Variants in PPFIA2 observed in about 807,000 individuals in gnomAD.
PPFIA2 encodes liprin-alpha-2.
Under a neutral mutation model 175.5 loss-of-function variants are expected in PPFIA2, and 46 were observed. The ratio of observed to expected loss-of-function variants is 0.26; its 90% CI spans 0.21 to 0.34. PPFIA2 has a LOEUF of 0.34. Among genes scored for constraint, PPFIA2 ranks in the 10% least tolerant of loss-of-function variants. The pLI, the probability that PPFIA2 is intolerant of heterozygous loss-of-function variation, is 1.00. For missense variants in PPFIA2, 1,179 were observed against 1,506.1 expected (o/e 0.78, Z 3.60); for synonymous variants, 568 against 511.4 (o/e 1.11, Z -1.49).
At chr12:81,657,195 G>A (rs1002495437) in intron 4 of PPFIA2, among the ~76,000 whole-genome samples, 17 of 152,172 alleles carry the variant, frequency 1.1e-4, no homozygotes, top group Admixed American at 5.9e-4. Context: ...CCCTGGGAAG[G>A]TTAATGCTGC....
chr12:81,401,342 A>G (rs1338738916), intron 8 of PPFIA2, among the ~76,000 whole-genome samples: 2 of 152,170 alleles, frequency 1.3e-5, no homozygotes. Context: ...TTCTATTCTT[A>G]TAACTCTGTA....
At chr12:81,719,169 T>C (rs2079016517) in intron 3 of PPFIA2, among the ~76,000 whole-genome samples, 1 of 151,700 alleles carries the variant, frequency 6.6e-6, no homozygotes, top group Non-Finnish European at 1.5e-5. Context: ...GAAAGAAATA[T>C]TCCACTTCAT....
intron 22 of PPFIA2, 60 bp from the exon 23 acceptor site, chr12:81,299,442 T>G (rs2047284920): frequency 4.0e-6 from 6 of 1,513,120 alleles, no homozygotes; most frequent in Non-Finnish European, 5.3e-6. Flanking sequence ...TGTGATTATT[T>G]TTAATGATAA....
intron 7 of PPFIA2, among the ~76,000 whole-genome samples, chr12:81,411,715 C>T (rs941274091): frequency 6.6e-6 from 1 of 152,000 alleles, no homozygotes; most frequent in African/African-American, 2.4e-5. Context: ...TCATTCAGCA[C>T]TGATGACATA....
chr12:81,500,828 A>T (rs907265202), intron 4 of PPFIA2, among the ~76,000 whole-genome samples: 1 of 152,234 alleles, frequency 6.6e-6, no homozygotes, highest in South Asian at 2.1e-4. Context: ...TTTATCTGTT[A>T]ATTTAACCCT....
At chr12:81,590,227 T>C (rs748051676) in intron 4 of PPFIA2, among the ~76,000 whole-genome samples, 1 of 152,122 alleles carries the variant, frequency 6.6e-6, no homozygotes, top group Non-Finnish European at 1.5e-5. Flanking sequence ...TTTGAACACA[T>C]AACACATGCC....
intron 16 of PPFIA2, among the ~76,000 whole-genome samples, chr12:81,355,904 T>G (rs560421856): frequency 6.6e-6 from 1 of 152,326 alleles, no homozygotes; most frequent in African/African-American, 2.4e-5. Flanking sequence ...ACGTTCTCCA[T>G]AGCAGCAGTA....
intron 4 of PPFIA2, among the ~76,000 whole-genome samples, chr12:81,606,328 A>G (rs1354118685): frequency 6.6e-6 from 1 of 152,066 alleles, no homozygotes; most frequent in African/African-American, 2.4e-5. Flanking sequence ...TCCTTTGAGT[A>G]TATACCCAGT....
intron 9 of PPFIA2, among the ~76,000 whole-genome samples, chr12:81,382,269 T>C (rs144609303): frequency 6.6e-5 from 10 of 152,110 alleles, no homozygotes; most frequent in Non-Finnish European, 1.5e-4. Flanking sequence ...CAGTAGATGA[T>C]CTCCAAGAGG....
chr12:81,366,055 C>T (rs1299524075), intron 14 of PPFIA2, among the ~76,000 whole-genome samples: 1 of 131,444 alleles, frequency 7.6e-6, no homozygotes, highest in Non-Finnish European at 1.6e-5. Context: ...CTTCCCTTTC[C>T]TTCCCTTCCC....
At chr12:81,514,294 C>T (rs970232270) in intron 4 of PPFIA2, among the ~76,000 whole-genome samples, 1 of 151,826 alleles carries the variant, frequency 6.6e-6, no homozygotes, top group Non-Finnish European at 1.5e-5. Context: ...TTTAAAACAC[C>T]TTATCTTTCT....
intron 22 of PPFIA2, chr12:81,312,458 G>A (rs2051167771): frequency 2.5e-6 from 1 of 404,358 alleles, no homozygotes; most frequent in Non-Finnish European, 4.4e-6. Context: ...CCAGCCTCGA[G>A]TACATCCCAG....
Position 81,445,601 on chromosome 12 carries a change from C to T in PPFIA2, c.525G>A (p.Lys175=), listed in dbSNP as rs372221669. 9 of 1,613,784 alleles carry T rather than the reference C, an allele frequency of 5.6e-6. No individual in the cohort carries two copies. The African/African-American group carries it at 1.2e-4, about 22-fold the overall frequency. Residue 175 remains lysine (K), a synonymous_variant, in exon 6 of 33, where the codon AAG becomes AAA. Coordinates refer to ENST00000549396, the MANE Select transcript of PPFIA2 (RefSeq NM_003625.5). Reference sequence around the variant, plus strand: ...GGTGCTCAAACAAAGATTTCAGTGCCTTGAGAACTTCAACTTCACTGGATA... The same window carrying T: ...GGTGCTCAAACAAAGATTTCAGTGCTTTGAGAACTTCAACTTCACTGGATA... ...SGVSSEVEVL[K]ALKSLFEHHK...
At chr12:81,288,933 G>GGT (rs2044171570) in intron 24 of PPFIA2, among the ~76,000 whole-genome samples, 1 of 151,686 alleles carries the variant, frequency 6.6e-6, no homozygotes, top group South Asian at 2.1e-4. Flanking sequence ...AATGAAAAGA[G>GGT]GAATCAAACA....
chr12:81,464,725 C>T (rs2055274822), intron 4 of PPFIA2, among the ~76,000 whole-genome samples: 1 of 152,040 alleles, frequency 6.6e-6, no homozygotes, highest in Non-Finnish European at 1.5e-5. Context: ...CTCTTCTGGT[C>T]AACTTTCCTC....
chr12:81,278,315 G>C (rs757432123), intron 27 of PPFIA2, among the ~76,000 whole-genome samples: 2 of 152,090 alleles, frequency 1.3e-5, no homozygotes, highest in African/African-American at 2.4e-5. Context: ...GGCTGAGGTG[G>C]GTGGATCACG....
intron 23 of PPFIA2, among the ~76,000 whole-genome samples, chr12:81,298,990 C>A (rs903177451): frequency 6.6e-6 from 1 of 151,842 alleles, no homozygotes; most frequent in Non-Finnish European, 1.5e-5. Flanking sequence ...GAGGAAGGGC[C>A]CTGGCCTAAT....
At chr12:81,631,225 T>C (rs755081097) in intron 4 of PPFIA2, among the ~76,000 whole-genome samples, 2 of 152,082 alleles carry the variant, frequency 1.3e-5, no homozygotes, top group Non-Finnish European at 2.9e-5. Context: ...TTAACCTGAT[T>C]CTTATTATTA....
intron 21 of PPFIA2, among the ~76,000 whole-genome samples, chr12:81,338,626 C>T (rs2057507236): frequency 6.6e-6 from 1 of 151,798 alleles, no homozygotes; most frequent in Non-Finnish European, 1.5e-5. Context: ...ATGTTCTTTA[C>T]ATTTTATGTA....
Sources: gnomAD v4.1 joint callset for allele counts (sites outside exome capture counted in the v4.1 genomes callset) on GRCh38, gnomAD v4.1.1 for gene constraint, MANE v1.5 for transcripts, NCBI Gene and HGNC (gene_info 2026-07-23, HGNC 2026-07-21) for gene names.